The following AQP11 variants were observed in gnomAD, a reference collection of about 807,000 sequenced individuals.
AQP11 encodes aquaporin 11.
Under a neutral mutation model 21.1 loss-of-function variants are expected in AQP11, and 20 were observed. The ratio of observed to expected loss-of-function variants is 0.95; its 90% CI spans 0.67 to 1.38. The LOEUF (loss-of-function observed/expected upper bound fraction) is 1.38, where lower values mean the gene tolerates loss of function less well. Ranked by LOEUF, AQP11 falls within the 40% of genes most tolerant of loss-of-function variation. The pLI is 0.00. For missense variants in AQP11, 339 were observed against 340.4 expected (o/e 1.00, Z 0.03); for synonymous variants, 167 against 150.1 (o/e 1.11, Z -0.82).
At chr11:77,602,634 T>C (rs1474325196) in intron 1 of AQP11, among the ~76,000 whole-genome samples, 1 of 152,252 alleles carries the variant, frequency 6.6e-6, no homozygotes, top group Admixed American at 6.5e-5. Flanking sequence ...CACAGCTTCA[T>C]TGTTCTCGGC....
chr11:77,597,270 T>A (rs1475658698), intron 1 of AQP11, among the ~76,000 whole-genome samples: 1 of 152,148 alleles, frequency 6.6e-6, no homozygotes, highest in Admixed American at 6.5e-5. Context: ...TTTGTAAGAA[T>A]AACCACTAAT....
In AQP11 at chr11:77,609,494, AG is replaced by A; in HGVS notation, c.*119del. On this transcript the variant is annotated 3_prime_UTR_variant, in exon 3 of 3. Coordinates refer to ENST00000313578, the MANE Select transcript of AQP11 (RefSeq NM_173039.3). Reference sequence around the variant, plus strand: ...GATTCATCAGTGTTAACTTCCTTTGAGGAAGCTGCCTTATAGTTTTCATCAC... The same window carrying A: ...GATTCATCAGTGTTAACTTCCTTTGAGAAGCTGCCTTATAGTTTTCATCAC... The A allele has an allele frequency of 1.3e-6, 1 of 750,360 alleles. No individual in the cohort carries two copies. Among genetic ancestry groups the A allele is most frequent in the East Asian group, 2.7e-5 (1 of 37,164 alleles). The allele number at this position is 750,360 out of a possible 1,614,324, so 46.5% of individuals were successfully genotyped here.
rs1958866871 is a variant in AQP11 at position 77,609,750 on chromosome 11, A to G, written c.*373A>G. ...TTGTGTATCAAGTGTCACCCAAATG[A>G]ACAGAATTTTTAACTATAAAAGTAC... On this transcript the variant is annotated 3_prime_UTR_variant, in exon 3 of 3. Transcript: ENST00000313578. 1 of 157,470 alleles carries G rather than the reference A, an allele frequency of 6.4e-6. No homozygotes were observed. The allele number at this position is 157,470 out of a possible 1,614,324, so 9.8% of individuals were successfully genotyped here. A position where few individuals can be genotyped will look rare whatever the true frequency, so the allele number is the denominator to read the frequency against.
Position 77,604,733 on chromosome 11 carries a change from T to C in AQP11, c.736+1061T>C, listed in dbSNP as rs73500752. Reference sequence around the variant, plus strand: ...CTATCTCACATTAATGTTATTGTTATGCTCAATATCATATTGTTATGCTCA... The same window carrying C: ...CTATCTCACATTAATGTTATTGTTACGCTCAATATCATATTGTTATGCTCA... On this transcript the variant is annotated intron_variant, in intron 2 of 2. Transcript: ENST00000313578. Among the ~76,000 whole-genome samples the C allele has an allele frequency of 2.2e-3, 333 of 152,316 alleles. 3 individuals carry two copies. The highest frequency in any genetic ancestry group is 7.3e-3 in the African/African-American group (302 of 41,582).
intron 2 of AQP11, 68 bp downstream of exon 2, chr11:77,603,740 T>TA: frequency 2.6e-6 from 3 of 1,144,892 alleles, no homozygotes; most frequent in Non-Finnish European, 3.6e-6. Context: ...GTGTATATCA[T>TA]TGTAACATGT....
intron 1 of AQP11, chr11:77,591,022 C>T: frequency 1.0e-6 from 1 of 985,396 alleles, no homozygotes; most frequent in Non-Finnish European, 1.2e-6. Flanking sequence ...CGATTTAAAG[C>T]ACAAGGCACA....
At chr11:77,607,775 A>AAAG (rs1324676729) in intron 2 of AQP11, among the ~76,000 whole-genome samples, 3 of 152,028 alleles carry the variant, frequency 2.0e-5, no homozygotes, top group African/African-American at 7.2e-5. Context: ...AAAAAAAAAA[A>AAAG]AAAAAGTATA....
rs1220851209 is a variant in AQP11 at position 77,609,603 on chromosome 11, A to G, written c.*226A>G. ...ACTTGTTCTTTGAGTGATGTATTAA[A>G]TGCTGCTAGAAAAGCCTCATTACAT... is the stretch of plus-strand genomic sequence containing the variant. On this transcript the variant is annotated 3_prime_UTR_variant, in exon 3 of 3. Transcript: ENST00000313578. 4.1e-5 allele frequency: 15 copies of G among 366,962 alleles called. No individual in the cohort carries two copies. The highest frequency in any genetic ancestry group is 5.4e-5 in the Non-Finnish European group (11 of 205,168). 22.7% of individuals were successfully genotyped at this position (366,962 alleles called of 1,614,324 possible).
chr11:77,593,629 A>T (rs1157019673), intron 1 of AQP11, among the ~76,000 whole-genome samples: 1 of 151,972 alleles, frequency 6.6e-6, no homozygotes. Context: ...AGAGCGAGAG[A>T]GCGAGACTCC....
At chr11:77,596,843 G>C (rs1220458964) in intron 1 of AQP11, among the ~76,000 whole-genome samples, 1 of 149,740 alleles carries the variant, frequency 6.7e-6, no homozygotes, top group Non-Finnish European at 1.5e-5. Context: ...CTGGGTGAAA[G>C]AGTGAGATCT....
chr11:77,592,277 A>G lies in AQP11; in HGVS notation c.619+1666A>G, dbSNP rs569075500. Among the ~76,000 whole-genome samples, 145 of 152,178 alleles carry G rather than the reference A, an allele frequency of 9.5e-4. No individual in the cohort carries two copies. The South Asian group carries it at 9.5e-3, about 10-fold the overall frequency. ...GACCCTGTCTGTCTCAAAAGAAAAA[A>G]AAAAAGAAAAAGAGAAAAAGAGTGA... On this transcript the variant is annotated intron_variant, in intron 1 of 2. Transcript: ENST00000313578.
intron 1 of AQP11, among the ~76,000 whole-genome samples, chr11:77,603,207 T>G (rs1054465401): frequency 1.3e-5 from 2 of 152,260 alleles, no homozygotes; most frequent in Non-Finnish European, 2.9e-5. Context: ...ATTTTCATTT[T>G]ACTTTTATTA....
rs192537634 is a variant in AQP11 at position 77,609,092 on chromosome 11, T to G, written c.737-206T>G. 4.3e-3 allele frequency among the ~76,000 whole-genome samples: 661 copies of G among 152,284 alleles called. 4 individuals carry two copies. The highest frequency in any genetic ancestry group is 0.015 in the African/African-American group (625 of 41,570). On this transcript the variant is annotated intron_variant, in intron 2 of 2. Transcript: ENST00000313578. ...TGAAGAAAAAATAATCTGAGAATAA[T>G]AGATTTAAATCTGATATTAGATTTA...
intron 1 of AQP11, among the ~76,000 whole-genome samples, chr11:77,598,175 A>G (rs990633145): frequency 6.6e-6 from 1 of 152,228 alleles, no homozygotes; most frequent in African/African-American, 2.4e-5. Context: ...CAGTTACTAG[A>G]AAGCTAGCTT....
chr11:77,604,413 C>CA (rs1418391447), intron 2 of AQP11, among the ~76,000 whole-genome samples: 1 of 152,110 alleles, frequency 6.6e-6, no homozygotes, highest in Admixed American at 6.5e-5. Context: ...ATACAATATA[C>CA]AAAAAATTAT....
chr11:77,598,818 G>A (rs1224967575), intron 1 of AQP11, among the ~76,000 whole-genome samples: 1 of 152,140 alleles, frequency 6.6e-6, no homozygotes, highest in Non-Finnish European at 1.5e-5. Context: ...AGGTTCAAAT[G>A]ATTATCCTGC....
At chr11:77,593,058 T>C (rs771215460) in intron 1 of AQP11, among the ~76,000 whole-genome samples, 24 of 152,242 alleles carry the variant, frequency 1.6e-4, no homozygotes, top group Non-Finnish European at 2.6e-4. Flanking sequence ...TACACTTAAA[T>C]TAACTGAAAT....
At position 77,595,669 on chromosome 11, in the gene AQP11, C is replaced by T. The variant is rs1958774145; in HGVS notation, c.619+5058C>T. ...GGGCAGGATGGCTCACGCCTGTAAT[C>T]CCAGCACTTTGGGAGGCAGAGGCAG... On this transcript the variant is annotated intron_variant, in intron 1 of 2. Transcript: ENST00000313578. 7.9e-5 allele frequency among the ~76,000 whole-genome samples: 12 copies of T among 152,320 alleles called. 1 individual carries two copies. The South Asian group carries it at 2.5e-3, about 32-fold the overall frequency.
intron 1 of AQP11, among the ~76,000 whole-genome samples, chr11:77,601,910 C>T (rs1308021680): frequency 1.3e-5 from 2 of 152,218 alleles, no homozygotes; most frequent in Non-Finnish European, 2.9e-5. Context: ...AAAGTGGAAG[C>T]TGATGGGTTT....
Sources: gnomAD v4.1 joint callset for allele counts (sites outside exome capture counted in the v4.1 genomes callset) on GRCh38, gnomAD v4.1.1 for gene constraint, MANE v1.5 for transcripts, NCBI Gene and HGNC (gene_info 2026-07-23, HGNC 2026-07-21) for gene names.